Variants in SERINC5 observed in about 807,000 individuals in gnomAD.
SERINC5 encodes chromosome 5 open reading frame 12.
Under a neutral mutation model 63.1 loss-of-function variants are expected in SERINC5, and 41 were observed. That is an observed-to-expected ratio of 0.65 (90% confidence interval 0.51 to 0.84). SERINC5 has a LOEUF of 0.84. SERINC5 is among the 40% of genes least tolerant of loss of function. SERINC5 has a pLI of 0.00. For missense variants in SERINC5, 523 were observed against 573.0 expected (o/e 0.91, Z 0.89); for synonymous variants, 222 against 215.2 (o/e 1.03, Z -0.28).
At chr5:80,209,325 A>G (rs1219189295) in intron 1 of SERINC5, among the ~76,000 whole-genome samples, 1 of 151,940 alleles carries the variant, frequency 6.6e-6, no homozygotes, top group Non-Finnish European at 1.5e-5. Flanking sequence ...CCCTAATCCA[A>G]CAGGACTGCT....
At chr5:80,223,491 C>T (rs557263497) in intron 1 of SERINC5, among the ~76,000 whole-genome samples, 6 of 152,140 alleles carry the variant, frequency 3.9e-5, no homozygotes, top group East Asian at 1.9e-4. Flanking sequence ...ACAGAATCCA[C>T]GGATACAGAG....
chr5:80,205,261 G>A (rs930791368), intron 1 of SERINC5, among the ~76,000 whole-genome samples: 2 of 152,270 alleles, frequency 1.3e-5, no homozygotes, highest in South Asian at 2.1e-4. Flanking sequence ...AGCTTTCTTC[G>A]TTCACTCCAA....
At chr5:80,225,045 ATTC>A (rs1221154465) in intron 1 of SERINC5, among the ~76,000 whole-genome samples, 2 of 151,584 alleles carry the variant, frequency 1.3e-5, no homozygotes, top group African/African-American at 4.9e-5. Context: ...GGTTCAAGCA[ATTC>A]TCTTGACTCA....
intron 1 of SERINC5, among the ~76,000 whole-genome samples, chr5:80,247,719 G>C (rs1752225606): frequency 6.6e-6 from 1 of 152,168 alleles, no homozygotes; most frequent in South Asian, 2.1e-4. Flanking sequence ...CAGCTCACCA[G>C]TGAGCTATAC....
chr5:80,158,644 A>C (rs1746686526), intron 8 of SERINC5, 192 bp downstream of exon 8: 1 of 556,144 alleles, frequency 1.8e-6, no homozygotes, highest in Non-Finnish European at 3.2e-6. Context: ...TATTTGCTTT[A>C]TTTACCCCAA....
At chr5:80,126,812 T>G in intron 11 of SERINC5, among the ~76,000 whole-genome samples, 1 of 152,200 alleles carries the variant, frequency 6.6e-6, no homozygotes, top group East Asian at 1.9e-4. Flanking sequence ...CAGGCTGGCC[T>G]CAAACTCCTA....
In SERINC5 at chr5:80,223,971, C is replaced by CA. The variant is rs958053392; in HGVS notation, c.28-20919dup. Among the ~76,000 whole-genome samples the CA allele has an allele frequency of 9.3e-3, 1,295 of 139,606 alleles. 19 individuals are homozygous for CA. Among genetic ancestry groups the CA allele is most frequent in the African/African-American group, 0.027 (1,046 of 38,100 alleles). The allele number at this position is 139,606 out of a possible 152,430, so 91.6% of individuals were successfully genotyped here. A position where few individuals can be genotyped will look rare whatever the true frequency, so the allele number is the denominator to read the frequency against. Reference sequence around the variant, plus strand: ...TGAAACCCCGTCTCAGATAAAAATACAAAAAAAAAAAATTAACTGGGCGTG... The same window carrying CA: ...TGAAACCCCGTCTCAGATAAAAATACAAAAAAAAAAAAATTAACTGGGCGTG... On this transcript the variant is annotated intron_variant, in intron 1 of 11. Coordinates refer to ENST00000507668, the MANE Select transcript of SERINC5 (RefSeq NM_001174072.3).
At chr5:80,166,021 T>C (rs1329107734) in intron 7 of SERINC5, among the ~76,000 whole-genome samples, 2 of 152,220 alleles carry the variant, frequency 1.3e-5, no homozygotes, top group Non-Finnish European at 2.9e-5. Flanking sequence ...TGAGATGTTT[T>C]AATACAGGTG....
At chr5:80,119,033 G>T (rs1326657995) in intron 11 of SERINC5, among the ~76,000 whole-genome samples, 1 of 152,090 alleles carries the variant, frequency 6.6e-6, no homozygotes, top group Non-Finnish European at 1.5e-5. Flanking sequence ...GAAGTAGACT[G>T]ACCTGGATTC....
At chr5:80,185,732 T>C (rs1023514330) in intron 2 of SERINC5, among the ~76,000 whole-genome samples, 29 of 152,124 alleles carry the variant, frequency 1.9e-4, no homozygotes, top group Admixed American at 6.6e-4. Context: ...GGGGAGCTTT[T>C]TGACCCCGGA....
At chr5:80,228,768 T>A (rs1281233354) in intron 1 of SERINC5, among the ~76,000 whole-genome samples, 1 of 152,150 alleles carries the variant, frequency 6.6e-6, no homozygotes, top group Non-Finnish European at 1.5e-5. Flanking sequence ...TCATTCACTA[T>A]CATTCTGCAC....
downstream of SERINC5, among the ~76,000 whole-genome samples, chr5:80,137,162 AAC>A (rs1169145336): frequency 2.2e-4 from 24 of 107,736 alleles, no homozygotes; most frequent in East Asian, 4.9e-4. Context: ...AAAAAAAAAA[AAC>A]AAAAAAAACA....
intron 1 of SERINC5, among the ~76,000 whole-genome samples, chr5:80,206,816 T>TC (rs1287625805): frequency 6.7e-6 from 1 of 149,102 alleles, no homozygotes; most frequent in Non-Finnish European, 1.5e-5. Flanking sequence ...GATTGCTTTT[T>TC]TTTTTTTTTT....
intron 8 of SERINC5, among the ~76,000 whole-genome samples, chr5:80,154,435 T>A (rs769827656): frequency 3.9e-5 from 6 of 152,036 alleles, no homozygotes; most frequent in Non-Finnish European, 8.8e-5. Flanking sequence ...CGCCTTGCCC[T>A]CCCAAGGTGC....
At chr5:80,184,866 G>A (rs537772542) in intron 2 of SERINC5, among the ~76,000 whole-genome samples, 191 of 152,194 alleles carry the variant, frequency 1.3e-3, no homozygotes, top group Middle Eastern at 3.4e-3. Context: ...CTTAAGCCAG[G>A]CTCACACACT....
chr5:80,224,157 G>GA (rs1751058099), intron 1 of SERINC5, among the ~76,000 whole-genome samples: 1 of 139,730 alleles, frequency 7.2e-6, no homozygotes, highest in Non-Finnish European at 1.6e-5. Flanking sequence ...AAAGAAAAAA[G>GA]AAAAAGAAAA....
chr5:80,180,508 G>C (rs562973915), intron 2 of SERINC5, among the ~76,000 whole-genome samples: 1 of 152,192 alleles, frequency 6.6e-6, no homozygotes, highest in Non-Finnish European at 1.5e-5. Context: ...ACTGAGGCAA[G>C]AGTCTCAATG....
chr5:80,191,663 TAAAA>T lies in SERINC5; in HGVS notation c.195+11219_195+11222del, dbSNP rs72458092. Among the ~76,000 whole-genome samples the T allele has an allele frequency of 6.4e-3, 756 of 117,214 alleles. 1 individual carries two copies. Among genetic ancestry groups the T allele is most frequent in the African/African-American group, 0.017 (549 of 32,188 alleles). The allele number at this position is 117,214 out of a possible 152,430, so 76.9% of individuals were successfully genotyped here. A position where few individuals can be genotyped will look rare whatever the true frequency, so the allele number is the denominator to read the frequency against. ...GGGCAACAGGGCAAGGCCCTGTCTC[TAAAA>T]AAAAAAAAAGAAAGAAAAAAAAAAA... is the stretch of plus-strand genomic sequence containing the variant. On this transcript the variant is annotated intron_variant, in intron 2 of 11. Coordinates refer to ENST00000507668, the MANE Select transcript of SERINC5 (RefSeq NM_001174072.3).
chr5:80,141,064 T>C lies in SERINC5; in HGVS notation c.*2599A>G. ...TGTAGATTCTTTAAATCCAGGAATG[T>C]TGACTCCTCACCTGAGTATTGTATA... is the stretch of plus-strand genomic sequence containing the variant. On this transcript the variant is annotated 3_prime_UTR_variant, in exon 12 of 12. Transcript: ENST00000507668. 1 of 985,436 alleles carries C rather than the reference T, an allele frequency of 1.0e-6. No individual in the cohort carries two copies. The highest frequency in any genetic ancestry group is 1.1e-4 in the East Asian group (1 of 8,824). The allele number at this position is 985,436 out of a possible 1,614,324, so 61.0% of individuals were successfully genotyped here.
Sources: allele counts gnomAD v4.1 joint callset (sites outside exome capture counted in the v4.1 genomes callset), GRCh38; gene constraint gnomAD v4.1.1; transcripts MANE v1.5; gene names NCBI Gene and HGNC (gene_info 2026-07-23, HGNC 2026-07-21).